The following SLC2A9 variants were observed in gnomAD, a reference collection of about 807,000 sequenced individuals.
SLC2A9 encodes solute carrier family 2, facilitated glucose transporter member 9.
In SLC2A9, 39 loss-of-function variants were observed where a neutral mutation model predicts 50.6. The ratio of observed to expected loss-of-function variants is 0.77; its 90% confidence interval spans 0.60 to 1.01. The LOEUF is 1.01. SLC2A9 is among the 50% of genes least tolerant of loss of function. The probability of loss-of-function intolerance (pLI) is 0.00; values close to 1 mark genes in which losing one functional copy is unlikely to be tolerated. For missense variants in SLC2A9, 686 were observed against 677.6 expected, an observed-to-expected ratio of 1.01 and a Z score of -0.14; for synonymous variants, 324 against 276.9, an observed-to-expected ratio of 1.17 and a Z score of -1.69.
rs948336653 is a variant in SLC2A9 at position 9,838,516 on chromosome 4, T to C, written c.1292-3508A>G. Among the ~76,000 whole-genome samples, 2 of 152,200 alleles carry C rather than the reference T, an allele frequency of 1.3e-5. 1 individual carries two copies. The highest frequency in any genetic ancestry group is 4.8e-5 in the African/African-American group (2 of 41,452). ...CCATAAAAAACCGTTTTAAAATTCA[T>C]GTGGAACCAAAAAAGAGACTGAATA... On this transcript the variant is annotated intron_variant, in intron 10 of 11. Transcript: ENST00000264784.
chr4:9,826,220 A>C, downstream of SLC2A9: 1 of 642,398 alleles, frequency 1.6e-6, no homozygotes, highest in South Asian at 2.0e-5. Flanking sequence ...ACACAGTTGC[A>C]ATGTTAGATT....
At chr4:9,968,236 G>A (rs560527767) in intron 5 of SLC2A9, among the ~76,000 whole-genome samples, 6 of 152,232 alleles carry the variant, frequency 3.9e-5, no homozygotes, top group African/African-American at 1.2e-4. Flanking sequence ...TCTCAAGGTG[G>A]AGTTTTCGTC....
intron 1 of SLC2A9, among the ~76,000 whole-genome samples, chr4:9,774,421 G>A (rs1273532124): frequency 5.9e-5 from 9 of 152,256 alleles, no homozygotes; most frequent in East Asian, 3.9e-4. Context: ...TGTTAGGGTC[G>A]TGCTTCCACC....
chr4:9,936,269 T>A (rs1375548830), intron 6 of SLC2A9, among the ~76,000 whole-genome samples: 12 of 152,336 alleles, frequency 7.9e-5, no homozygotes, highest in African/African-American at 2.9e-4. Flanking sequence ...CTGATATCCA[T>A]GATCTGATAT....
At chr4:9,930,948 A>C (rs1745787955) in intron 6 of SLC2A9, among the ~76,000 whole-genome samples, 1 of 152,172 alleles carries the variant, frequency 6.6e-6, no homozygotes, top group African/African-American at 2.4e-5. Context: ...AGAACCCCAG[A>C]TGTGTGCAGG....
chr4:9,975,613 T>C (rs1754666069), intron 5 of SLC2A9, among the ~76,000 whole-genome samples: 1 of 152,110 alleles, frequency 6.6e-6, no homozygotes, highest in South Asian at 2.1e-4. Context: ...CAGATGCTAA[T>C]GAGGCTGCAG....
intron 3 of SLC2A9, among the ~76,000 whole-genome samples, chr4:9,793,687 T>C (rs1577299690): frequency 2.6e-5 from 4 of 152,284 alleles, no homozygotes; most frequent in Non-Finnish European, 5.9e-5. Context: ...TGTTTTTTGT[T>C]TGGTTTTGGT....
intron 10 of SLC2A9, among the ~76,000 whole-genome samples, chr4:9,871,067 C>T (rs1483197355): frequency 1.3e-5 from 2 of 152,154 alleles, no homozygotes; most frequent in Admixed American, 1.3e-4. Flanking sequence ...TAAGTGCAAG[C>T]CACTGTGCCT....
chr4:9,963,488 T>G lies in SLC2A9; in HGVS notation c.681+17104A>C, dbSNP rs79765234. On this transcript the variant is annotated intron_variant, in intron 5 of 11. Coordinates refer to ENST00000264784, the MANE Select transcript of SLC2A9 (RefSeq NM_020041.3). ...TCTACGTTGATACAAAGATGAGAAC[T>G]TGGACTTTGGTCCCAGGGAAAGGTG... Among the ~76,000 whole-genome samples the G allele has an allele frequency of 6.3e-3, 952 of 152,296 alleles. 66 individuals are homozygous for G. In the East Asian group the frequency reaches 0.15, roughly 24 times the overall value.
At chr4:9,906,121 T>G (rs952745704) in intron 8 of SLC2A9, among the ~76,000 whole-genome samples, 3 of 152,234 alleles carry the variant, frequency 2.0e-5, no homozygotes, top group Non-Finnish European at 2.9e-5. Flanking sequence ...TAATGTATAT[T>G]CATTGGTACA....
intron 10 of SLC2A9, among the ~76,000 whole-genome samples, chr4:9,853,690 G>A (rs983990214): frequency 6.6e-6 from 1 of 152,098 alleles, no homozygotes; most frequent in Non-Finnish European, 1.5e-5. Context: ...AAAAACAACA[G>A]AATAGACATT....
chr4:9,796,606 T>C (rs1720626623), downstream of SLC2A9, among the ~76,000 whole-genome samples: 1 of 152,232 alleles, frequency 6.6e-6, no homozygotes, highest in African/African-American at 2.4e-5. Context: ...GTGATGATGC[T>C]ACATAACAAG....
At chr4:9,776,184 TTTC>T (rs1203098349), downstream of SLC2A9, among the ~76,000 whole-genome samples, 577 of 133,718 alleles carry the variant, frequency 4.3e-3, 1 homozygote, top group Middle Eastern at 0.016. Context: ...GAAGTCTTTC[TTTC>T]TTTTTTTTTT....
At chr4:9,983,529 T>C (rs955815219) in intron 4 of SLC2A9, among the ~76,000 whole-genome samples, 4 of 152,066 alleles carry the variant, frequency 2.6e-5, no homozygotes, top group Non-Finnish European at 5.9e-5. Flanking sequence ...TGACAGCCCG[T>C]GAGACCAGGC....
intron 3 of SLC2A9, among the ~76,000 whole-genome samples, chr4:9,817,857 A>G (rs953754515): frequency 1.3e-5 from 2 of 152,112 alleles, no homozygotes; most frequent in African/African-American, 4.8e-5. Context: ...GCAGCAGACA[A>G]TCCCTGCTGC....
intron 2 of SLC2A9, among the ~76,000 whole-genome samples, chr4:10,003,128 C>T (rs1760141860): frequency 6.6e-6 from 1 of 152,156 alleles, no homozygotes; most frequent in Non-Finnish European, 1.5e-5. Context: ...ACAGACACCC[C>T]TCCTGCCACC....
chr4:9,995,903 G>A (rs1170419276), intron 3 of SLC2A9: 1 of 152,244 alleles, frequency 6.6e-6, no homozygotes, highest in Non-Finnish European at 1.5e-5. Flanking sequence ...CCATCAGATT[G>A]ATGTGACGAC....
chr4:10,024,401 G>A (rs189931114), upstream of SLC2A9, among the ~76,000 whole-genome samples: 3 of 152,328 alleles, frequency 2.0e-5, no homozygotes, highest in Admixed American at 2.0e-4. Flanking sequence ...GCATGGGGCT[G>A]TATTCCAGTA....
At chr4:10,038,370 G>T (rs1390146460) in intron 1 of SLC2A9, among the ~76,000 whole-genome samples, 1 of 151,508 alleles carries the variant, frequency 6.6e-6, no homozygotes, top group East Asian at 1.9e-4. Context: ...TAGTGGATAT[G>T]GTGGCAGGCA....
Sources: allele counts gnomAD v4.1 joint callset (sites outside exome capture counted in the v4.1 genomes callset), GRCh38; gene constraint gnomAD v4.1.1; transcripts MANE v1.5; gene names NCBI Gene and HGNC (gene_info 2026-07-23, HGNC 2026-07-21).